The following CD226 variants were observed in gnomAD, a reference collection of about 807,000 sequenced individuals.
CD226 encodes CD226 antigen.
A neutral mutation model predicts 34.9 loss-of-function variants in CD226; 24 were observed. The ratio of observed to expected loss-of-function variants is 0.69; its 90% CI spans 0.50 to 0.97. The LOEUF (loss-of-function observed/expected upper bound fraction) is 0.97. CD226 is among the 50% of genes least tolerant of loss of function. The probability of loss-of-function intolerance (pLI) is 0.00; values close to 1 mark genes in which losing one functional copy is unlikely to be tolerated. For synonymous variants in CD226, 148 were observed against 147.4 expected (o/e 1.00, Z -0.03); for missense variants, 397 against 412.7 (o/e 0.96, Z 0.33).
intron 2 of CD226, among the ~76,000 whole-genome samples, chr18:69,945,690 CA>C (rs1374944365): frequency 1.3e-5 from 2 of 152,056 alleles, no homozygotes; most frequent in Non-Finnish European, 2.9e-5. Flanking sequence ...CTCATCTCTA[CA>C]AAAAATACAA....
At chr18:69,916,711 G>A (rs565992891) in intron 2 of CD226, among the ~76,000 whole-genome samples, 5 of 152,230 alleles carry the variant, frequency 3.3e-5, no homozygotes, top group African/African-American at 1.2e-4. Context: ...GGCATGAACT[G>A]TCCTTTTTAT....
intron 3 of CD226, among the ~76,000 whole-genome samples, chr18:69,880,864 T>C (rs1984216550): frequency 6.6e-6 from 1 of 152,168 alleles, no homozygotes; most frequent in Admixed American, 6.5e-5. Context: ...TTGGCCATGC[T>C]GGTCTCGAAC....
intron 2 of CD226, among the ~76,000 whole-genome samples, chr18:69,932,238 GCT>G (rs2055597852): frequency 6.6e-6 from 1 of 152,128 alleles, no homozygotes. Flanking sequence ...CTGTCTGAGT[GCT>G]CTTTCTAACT....
intron 3 of CD226, among the ~76,000 whole-genome samples, chr18:69,873,621 G>A (rs1425303953): frequency 2.6e-5 from 4 of 152,100 alleles, no homozygotes; most frequent in African/African-American, 9.7e-5. Context: ...GCTCAGGCCT[G>A]TAATCACAGA....
At chr18:69,898,193 G>A (rs1055186304) in intron 2 of CD226, among the ~76,000 whole-genome samples, 1 of 152,016 alleles carries the variant, frequency 6.6e-6, no homozygotes, top group African/African-American at 2.4e-5. Context: ...AGAAATGAAA[G>A]AACATAAAAG....
intron 2 of CD226, among the ~76,000 whole-genome samples, chr18:69,929,926 G>A (rs2055569199): frequency 6.6e-6 from 1 of 152,026 alleles, no homozygotes; most frequent in African/African-American, 2.4e-5. Context: ...TATTGTCTGA[G>A]CTCATTCCCA....
chr18:69,898,494 G>A (rs2145253130), intron 2 of CD226, among the ~76,000 whole-genome samples: 1 of 152,294 alleles, frequency 6.6e-6, no homozygotes, highest in South Asian at 2.1e-4. Context: ...AAGCAATGGG[G>A]AAAATCCTAG....
rs117863816 is a variant in CD226 at position 69,871,175 on chromosome 18, T to C, written c.830+1969A>G. Among the ~76,000 whole-genome samples the C allele has an allele frequency of 3.9e-5, 6 of 152,318 alleles. No individual in the cohort carries two copies. The East Asian group carries it at 1.2e-3, about 29-fold the overall frequency. ...ACCACTCGCTGTCTCTTAGTCACAT[T>C]TGCCCGGTTCCCATGTGCTCCCTCT... On this transcript the variant is annotated intron_variant, in intron 4 of 5. Transcript: ENST00000582621.
chr18:69,899,025 A>G lies in CD226; in HGVS notation c.383-2980T>C, dbSNP rs1985460042. The stretch of plus-strand genomic sequence containing the variant: ...ATGTAGCTACGTATTAATACTTAGA[A>G]TAAACATTGAATAGACTGTGTTGTT... On this transcript the variant is annotated intron_variant, in intron 2 of 5. Coordinates refer to ENST00000582621, the MANE Select transcript of CD226 (RefSeq NM_001303618.2). Among the ~76,000 whole-genome samples the G allele has an allele frequency of 2.0e-5, 3 of 152,372 alleles. No homozygotes were observed. In the South Asian group the frequency reaches 6.2e-4, roughly 32 times the overall value.
At chr18:69,926,716 T>C (rs938934821) in intron 2 of CD226, among the ~76,000 whole-genome samples, 2 of 152,218 alleles carry the variant, frequency 1.3e-5, no homozygotes, top group African/African-American at 2.4e-5. Flanking sequence ...AAGTATTATA[T>C]AGGATCTTTG....
At chr18:69,898,562 T>A (rs951978138) in intron 2 of CD226, among the ~76,000 whole-genome samples, 1 of 152,012 alleles carries the variant, frequency 6.6e-6, no homozygotes, top group Non-Finnish European at 1.5e-5. Flanking sequence ...AGAGGCTCCA[T>A]GTGAGGACCT....
At chr18:69,912,432 TTTTG>T (rs2055336987) in intron 2 of CD226, among the ~76,000 whole-genome samples, 3 of 152,320 alleles carry the variant, frequency 2.0e-5, no homozygotes, top group Admixed American at 1.3e-4. Flanking sequence ...CCTTCTATGT[TTTTG>T]TTTGTTTGAT....
At chr18:69,928,567 G>C (rs928708857) in intron 2 of CD226, among the ~76,000 whole-genome samples, 1 of 152,182 alleles carries the variant, frequency 6.6e-6, no homozygotes, top group Non-Finnish European at 1.5e-5. Flanking sequence ...TGAAGAATGA[G>C]TACAGGTTGA....
chr18:69,950,380 T>C (rs1271679192), upstream of CD226, among the ~76,000 whole-genome samples: 1 of 152,084 alleles, frequency 6.6e-6, no homozygotes, highest in African/African-American at 2.4e-5. Context: ...CCCAGTCTAG[T>C]TGGAAAGACA....
At chr18:69,957,298 TC>T (rs1349356309), upstream of CD226, 1 of 152,160 alleles carries the variant, frequency 6.6e-6, no homozygotes, top group Non-Finnish European at 1.5e-5. Context: ...TCAAGAGGCT[TC>T]CTTATCTCTG....
rs1982700973 is a variant in CD226 at position 69,859,112 on chromosome 18, C to G, written c.*5202G>C. The G allele has an allele frequency of 6.6e-6, 1 of 152,106 alleles. No individual in the cohort carries two copies. Among genetic ancestry groups the G allele is most frequent in the Admixed American group, 6.5e-5 (1 of 15,270 alleles). 9.4% of individuals were successfully genotyped at this position (152,106 alleles called of 1,614,324 possible). On this transcript the variant is annotated 3_prime_UTR_variant, in exon 6 of 6. Coordinates refer to ENST00000582621, the MANE Select transcript of CD226 (RefSeq NM_001303618.2). ...CATTTACAACACGGAAACACATGTC[C>G]TTTTGTTCTGGAAAATGTTTTAGAG...
rs1480292721 is a variant in CD226, at chr18:69,861,301, A to G, written c.*3013T>C. 3 of 151,468 alleles carry G rather than the reference A, an allele frequency of 2.0e-5. No individual in the cohort carries two copies. Among genetic ancestry groups the G allele is most frequent in the Non-Finnish European group, 4.4e-5 (3 of 67,760 alleles). The allele number at this position is 151,468 out of a possible 1,614,324, so 9.4% of individuals were successfully genotyped here. The stretch of plus-strand genomic sequence containing the variant: ...CTATTTTATTTTCTCAACATATTAT[A>G]CCTAAAGTTCTTTAAATAAAGTTTG... On this transcript the variant is annotated 3_prime_UTR_variant, in exon 6 of 6. Coordinates refer to ENST00000582621, the MANE Select transcript of CD226 (RefSeq NM_001303618.2).
rs199638156 is a variant in CD226 at position 69,864,281 on chromosome 18, G to A, written c.*33C>T. On this transcript the variant is annotated 3_prime_UTR_variant, in exon 6 of 6. Coordinates refer to ENST00000582621, the MANE Select transcript of CD226 (RefSeq NM_001303618.2). The stretch of plus-strand genomic sequence containing the variant: ...AAGATCCATGCATGAGTACATAAGA[G>A]TCATTACTAATGCACTCATGTCAAG... 6.2e-7 allele frequency: 1 copy of A among 1,608,936 alleles called. No individual in the cohort carries two copies. The highest frequency in any genetic ancestry group is 8.5e-7 in the Non-Finnish European group (1 of 1,175,728).
chr18:69,933,307 C>T (rs144678823), intron 2 of CD226, among the ~76,000 whole-genome samples: 5 of 152,350 alleles, frequency 3.3e-5, no homozygotes, highest in African/African-American at 1.2e-4. Flanking sequence ...CTCCGACCTT[C>T]CCCTAAGCCT....
Sources: allele counts gnomAD v4.1 joint callset (sites outside exome capture counted in the v4.1 genomes callset), GRCh38; gene constraint gnomAD v4.1.1; transcripts MANE v1.5; gene names NCBI Gene and HGNC (gene_info 2026-07-23, HGNC 2026-07-21).